ASIP: variants seen among roughly 807,000 people sequenced by gnomAD.
ASIP encodes agouti-signaling protein.
ASIP carries 11 observed loss-of-function variants against 10.3 expected under a neutral mutation model. The observed-to-expected ratio is 1.07, with a 90% confidence interval of 0.68 to 1.78. The LOEUF is 1.78. Ranked by LOEUF, ASIP falls within the 40% of genes most tolerant of loss-of-function variation. The pLI is 0.00. For missense variants in ASIP, 180 were observed against 169.2 expected (o/e 1.06, Z -0.35); for synonymous variants, 70 against 70.8 (o/e 0.99, Z 0.06).
intron 1 of ASIP, among the ~76,000 whole-genome samples, chr20:34,203,029 C>G (rs987268734): frequency 6.6e-6 from 1 of 151,946 alleles, no homozygotes; most frequent in African/African-American, 2.4e-5. Flanking sequence ...AGGATGGTGT[C>G]AATCTCCTGA....
intron 1 of ASIP, among the ~76,000 whole-genome samples, chr20:34,259,280 T>C (rs1363445023): frequency 2.0e-5 from 3 of 151,482 alleles, no homozygotes; most frequent in Non-Finnish European, 4.4e-5. Flanking sequence ...GCAGTGGCAG[T>C]GGCTGGCGGA....
intron 1 of ASIP, chr20:34,246,246 C>T (rs554253559): frequency 5.9e-6 from 9 of 1,531,844 alleles, no homozygotes; most frequent in Non-Finnish European, 7.9e-6. Flanking sequence ...TGGCCTCTTC[C>T]ACCTCTCTTC....
intron 1 of ASIP, among the ~76,000 whole-genome samples, chr20:34,226,178 G>A (rs958885992): frequency 1.3e-5 from 2 of 152,158 alleles, no homozygotes; most frequent in Non-Finnish European, 2.9e-5. Flanking sequence ...AATTACAGGC[G>A]TGAGCCACAC....
At chr20:34,261,780 TGACA>T (rs964441138) in intron 2 of ASIP, among the ~76,000 whole-genome samples, 11 of 150,090 alleles carry the variant, frequency 7.3e-5, no homozygotes, top group Admixed American at 6.0e-4. Context: ...CCAGCCTGGG[TGACA>T]GACAGACCCT....
At chr20:34,224,573 G>A (rs548455970) in intron 1 of ASIP, among the ~76,000 whole-genome samples, 1 of 152,332 alleles carries the variant, frequency 6.6e-6, no homozygotes, top group East Asian at 1.9e-4. Flanking sequence ...GTGGGGATGA[G>A]TTAAAAAGGG....
At position 34,218,630 on chromosome 20, in the gene ASIP, T is replaced by C. The variant is rs147532313; in HGVS notation, c.-11+23870T>C. Among the ~76,000 whole-genome samples, 41 of 152,200 alleles carry C rather than the reference T, an allele frequency of 2.7e-4. No individual in the cohort carries two copies. The East Asian group carries it at 5.8e-3, about 22-fold the overall frequency. On this transcript the variant is annotated intron_variant, in intron 1 of 3. Transcript: ENST00000568305. ...CAGTGCTGTCATTTAACAGGGGGAA[T>C]CAGGCTGGTGGAGATGGCAGTAGCA...
At chr20:34,201,460 C>G (rs909392159) in intron 1 of ASIP, among the ~76,000 whole-genome samples, 6 of 152,182 alleles carry the variant, frequency 3.9e-5, no homozygotes, top group Admixed American at 1.3e-4. Flanking sequence ...ACTTATCTCA[C>G]AGATAATGAG....
intron 1 of ASIP, among the ~76,000 whole-genome samples, chr20:34,243,925 C>A (rs1407085246): frequency 6.6e-6 from 1 of 152,020 alleles, no homozygotes; most frequent in Admixed American, 6.6e-5. Flanking sequence ...ATTAACCGGG[C>A]GTGGTGGCGG....
upstream of ASIP, among the ~76,000 whole-genome samples, chr20:34,238,520 G>A (rs1395382767): frequency 1.3e-5 from 2 of 151,632 alleles, no homozygotes; most frequent in African/African-American, 2.4e-5. Context: ...TTCTTTTTAG[G>A]TTTTCCATAT....
Position 34,262,887 on chromosome 20 carries a change from T to G in ASIP, c.216T>G (p.Ser72=). The G allele has an allele frequency of 6.2e-7, 1 of 1,614,018 alleles. No homozygotes were observed. The highest frequency in any genetic ancestry group is 2.2e-5 in the East Asian group (1 of 44,878). ...GAAAAGCAGCAGAAAAGAAAAGATCTTCTAAGGTAAGGGCAGGGAAGTTCT... is the reference window on the plus strand; with the variant it reads ...GAAAAGCAGCAGAAAAGAAAAGATCGTCTAAGGTAAGGGCAGGGAAGTTCT... The part of the protein sequence containing the change: ...IGRKAAEKKR[S]SKKEASMKKV... Residue 72 remains serine, a synonymous_variant, in exon 3 of 4, where the codon TCT becomes TCG. Coordinates refer to ENST00000374954, the MANE Select transcript of ASIP (RefSeq NM_001672.3).
At position 34,262,926 on chromosome 20, in the gene ASIP, G is replaced by T. The variant is rs1482770879; in HGVS notation, c.222+33G>T. The T allele has an allele frequency of 3.7e-6, 6 of 1,611,548 alleles. No homozygotes were observed. In the South Asian group the frequency reaches 6.6e-5, roughly 18 times the overall value. On this transcript the variant is annotated intron_variant, in intron 3 of 3. Coordinates refer to ENST00000374954, the MANE Select transcript of ASIP (RefSeq NM_001672.3). ...CAGGGAAGTTCTGGGAGTTCTCATT[G>T]TTGGGGTGAGACTGGACTTAAAGAA...
chr20:34,191,001 C>A (rs2034821510), upstream of ASIP, among the ~76,000 whole-genome samples: 3 of 152,188 alleles, frequency 2.0e-5, no homozygotes, highest in African/African-American at 7.2e-5. Flanking sequence ...AGCATGCACC[C>A]CCATATGCAC....
At chr20:34,214,376 T>A in intron 1 of ASIP, 1 of 1,331,460 alleles carries the variant, frequency 7.5e-7, no homozygotes, top group Non-Finnish European at 1.1e-6. Flanking sequence ...ACGTCACAGA[T>A]GTATGCTGAT....
At chr20:34,231,476 G>GA (rs955709530) in intron 1 of ASIP, among the ~76,000 whole-genome samples, 45 of 152,228 alleles carry the variant, frequency 3.0e-4, no homozygotes, top group African/African-American at 1.0e-3. Context: ...GTTAAGCAAA[G>GA]ATTTCTTAAA....
chr20:34,259,474 C>T (rs192555620), intron 1 of ASIP, among the ~76,000 whole-genome samples: 2 of 152,118 alleles, frequency 1.3e-5, no homozygotes, highest in African/African-American at 4.8e-5. Flanking sequence ...GATCGTGCCA[C>T]TGCACTCCAG....
chr20:34,218,611 T>A (rs556490984), intron 1 of ASIP, among the ~76,000 whole-genome samples: 1 of 152,244 alleles, frequency 6.6e-6, no homozygotes, highest in African/African-American at 2.4e-5. Context: ...TTCACAGTGC[T>A]GTCATTTAAC....
At chr20:34,212,807 C>G (rs1316610217) in intron 1 of ASIP, among the ~76,000 whole-genome samples, 1 of 152,174 alleles carries the variant, frequency 6.6e-6, no homozygotes, top group Non-Finnish European at 1.5e-5. Context: ...ATTCTTTACC[C>G]TTATAACTAA....
At chr20:34,259,234 A>G (rs1234170499) in intron 1 of ASIP, among the ~76,000 whole-genome samples, 1 of 151,204 alleles carries the variant, frequency 6.6e-6, no homozygotes, top group Non-Finnish European at 1.5e-5. Context: ...ACAGAAAAAA[A>G]CTATATGAGC....
chr20:34,212,368 GCA>G (rs894388698), intron 1 of ASIP, among the ~76,000 whole-genome samples: 2 of 152,184 alleles, frequency 1.3e-5, no homozygotes, highest in African/African-American at 2.4e-5. Flanking sequence ...ACACATTCAT[GCA>G]CACACACATT....
Sources: gnomAD v4.1 joint callset for allele counts (sites outside exome capture counted in the v4.1 genomes callset) on GRCh38, gnomAD v4.1.1 for gene constraint, MANE v1.5 for transcripts, NCBI Gene and HGNC (gene_info 2026-07-23, HGNC 2026-07-21) for gene names.